The following TENM1 variants were observed in gnomAD, a reference collection of about 807,000 sequenced individuals.
TENM1 encodes the protein teneurin-1.
TENM1 carries 35 observed loss-of-function variants against 174.8 expected under a neutral mutation model. The ratio of observed to expected loss-of-function variants is 0.20; its 90% CI spans 0.15 to 0.27. The LOEUF is 0.27. Among genes scored for constraint, TENM1 ranks in the 10% least tolerant of loss-of-function variants. The pLI is 1.00. For missense variants in TENM1, 1,633 were observed against 2,130.1 expected, an observed-to-expected ratio of 0.77 and a Z score of 4.59; for synonymous variants, 781 against 798.7, an observed-to-expected ratio of 0.98 and a Z score of 0.37.
At chrX:124,538,590 T>C (rs745641817) in intron 15 of TENM1, among the ~76,000 whole-genome samples, 2 of 111,728 alleles carry the variant, frequency 1.8e-5, no homozygotes, top group Non-Finnish European at 3.8e-5. Context: ...TGGTGTAATG[T>C]TTTTCATGTT....
At chrX:124,853,406 A>G (rs777394151) in intron 3 of TENM1, among the ~76,000 whole-genome samples, 1 of 111,265 alleles carries the variant, frequency 9.0e-6, no homozygotes, top group South Asian at 3.8e-4. Flanking sequence ...TGCAAGCGAG[A>G]AGGCATTGAA....
chrX:124,451,275 T>G (rs1459794308), intron 23 of TENM1, among the ~76,000 whole-genome samples: 1 of 109,797 alleles, frequency 9.1e-6, no homozygotes, highest in Non-Finnish European at 1.9e-5. Context: ...TTATCCTCAC[T>G]GGCCTAAAAA....
At chrX:125,189,907 T>C in the TENM1 span, among the ~76,000 whole-genome samples, 1 of 112,252 alleles carries the variant, frequency 8.9e-6, no homozygotes, top group Non-Finnish European at 1.9e-5. Flanking sequence ...ATTACCTGAT[T>C]ATACTGTAAT....
intron 5 of TENM1, among the ~76,000 whole-genome samples, chrX:124,676,494 C>T (rs1349763838): frequency 1.9e-5 from 2 of 103,824 alleles, no homozygotes; most frequent in Non-Finnish European, 4.0e-5. Context: ...CAAATGTTCC[C>T]TGATGCTGAG....
intron 11 of TENM1, among the ~76,000 whole-genome samples, chrX:124,615,136 T>TA (rs1203520541): frequency 8.9e-6 from 1 of 112,245 alleles, no homozygotes; most frequent in East Asian, 2.8e-4. Context: ...GCTTACTTTT[T>TA]AAAAAAATAT....
chrX:125,069,893 C>T, the TENM1 span, among the ~76,000 whole-genome samples: 3 of 111,431 alleles, frequency 2.7e-5, no homozygotes, highest in Non-Finnish European at 5.7e-5. Context: ...TCTCTGCATC[C>T]ACATCAATGC....
chrX:124,868,995 C>A lies in TENM1; in HGVS notation c.535+25301G>T, dbSNP rs371444984. 5.7e-5 allele frequency among the ~76,000 whole-genome samples: 6 copies of A among 104,517 alleles called. No homozygotes were observed. The East Asian group carries it at 1.2e-3, about 21-fold the overall frequency. The allele number at this position is 104,517 out of a possible 115,157, so 90.8% of individuals were successfully genotyped here. On this transcript the variant is annotated intron_variant, in intron 3 of 31. Coordinates refer to ENST00000422452, the Ensembl canonical transcript of TENM1. ...ATCCCAGCACTTTGGGAGGCCGAGG[C>A]AGGTGGATCACTTGACGTCAGGAGC...
the TENM1 span, among the ~76,000 whole-genome samples, chrX:124,981,876 C>CTAAAAATGTTCCACAAA: frequency 6.3e-4 from 32 of 50,900 alleles, 2 homozygotes; most frequent in African/African-American, 2.5e-3. Flanking sequence ...AAAACAGGTG[C>CTAAAAATGTTCCACAAA]AGCGCACCAG....
chrX:124,772,393 C>T (rs2054675952), intron 3 of TENM1, among the ~76,000 whole-genome samples: 3 of 112,032 alleles, frequency 2.7e-5, no homozygotes, highest in South Asian at 3.7e-4. Context: ...TCCTTGGCTT[C>T]GAAAGTGCTG....
Position 124,430,299 on chromosome X carries a change from C to T in TENM1, c.4105-7661G>A, listed in dbSNP as rs191985305. On this transcript the variant is annotated intron_variant, in intron 23 of 31. Coordinates refer to ENST00000422452, the Ensembl canonical transcript of TENM1. ...CTGATGAAAGCTATGTACTCTCTCC[C>T]TAGAAAAAGGCTTCAATGCACTAGA... 1.7e-3 allele frequency among the ~76,000 whole-genome samples: 185 copies of T among 111,685 alleles called. 1 individual carries two copies. The highest frequency in any genetic ancestry group is 3.1e-3 in the Non-Finnish European group (163 of 53,086).
At chrX:124,506,759 C>A (rs2047457621) in intron 18 of TENM1, among the ~76,000 whole-genome samples, 1 of 111,768 alleles carries the variant, frequency 8.9e-6, no homozygotes, top group Non-Finnish European at 1.9e-5. Context: ...AAATGTTTCA[C>A]CCCATGGAGT....
chrX:124,941,010 T>A (rs2043793326), intron 1 of TENM1, among the ~76,000 whole-genome samples: 1 of 111,405 alleles, frequency 9.0e-6, no homozygotes, highest in Non-Finnish European at 1.9e-5. Flanking sequence ...TTCTTTTCCA[T>A]CCAAAAAAAC....
At chrX:125,050,676 C>T in the TENM1 span, among the ~76,000 whole-genome samples, 5 of 111,278 alleles carry the variant, frequency 4.5e-5, no homozygotes, top group African/African-American at 1.6e-4. Flanking sequence ...GGTATATACC[C>T]AGTAATGGGA....
At chrX:124,893,784 T>C (rs1361802224) in intron 3 of TENM1, among the ~76,000 whole-genome samples, 2 of 105,644 alleles carry the variant, frequency 1.9e-5, no homozygotes, top group Non-Finnish European at 1.9e-5. Flanking sequence ...CAGAAGAGAA[T>C]GAACATTTTT....
At chrX:124,975,283 G>T in the TENM1 span, among the ~76,000 whole-genome samples, 1 of 111,024 alleles carries the variant, frequency 9.0e-6, no homozygotes, top group Admixed American at 9.7e-5. Flanking sequence ...ATGTATAAAA[G>T]CTTTTTTACT....
At chrX:125,070,896 T>C in the TENM1 span, among the ~76,000 whole-genome samples, 1 of 111,788 alleles carries the variant, frequency 8.9e-6, no homozygotes, top group African/African-American at 3.2e-5. Flanking sequence ...TGAACAGATG[T>C]ATAAGAGAAG....
At chrX:124,487,102 T>A in intron 21 of TENM1, 107 bp downstream of exon 24, 1 of 788,228 alleles carries the variant, frequency 1.3e-6, no homozygotes, top group Non-Finnish European at 1.8e-6. Flanking sequence ...GTTCACACTA[T>A]TCTTTAACCT....
the TENM1 span, among the ~76,000 whole-genome samples, chrX:125,164,636 A>C: frequency 8.9e-6 from 1 of 112,331 alleles, no homozygotes; most frequent in East Asian, 2.8e-4. Flanking sequence ...TAGACAGTTT[A>C]TGAATACTTG....
intron 22 of TENM1, among the ~76,000 whole-genome samples, chrX:124,477,277 C>T (rs2046746963): frequency 1.8e-5 from 2 of 112,355 alleles, no homozygotes; most frequent in Admixed American, 9.4e-5. Context: ...AGTATGTAAA[C>T]GCTATCTATG....
Sources: allele counts gnomAD v4.1 joint callset (sites outside exome capture counted in the v4.1 genomes callset), GRCh38; gene constraint gnomAD v4.1.1; transcripts MANE v1.5; gene names NCBI Gene and HGNC (gene_info 2026-07-23, HGNC 2026-07-21).